LDLRAD4: variants seen among roughly 807,000 people sequenced by gnomAD.
LDLRAD4 encodes low density lipoprotein receptor class A domain containing 4.
In LDLRAD4, 5 loss-of-function variants were observed where a neutral mutation model predicts 17.0. The ratio of observed to expected loss-of-function variants is 0.29; its 90% CI spans 0.15 to 0.62. The LOEUF (loss-of-function observed/expected upper bound fraction) is 0.62, where lower values mean the gene tolerates loss of function less well. Ranked by LOEUF, LDLRAD4 falls within the 20% of genes least tolerant of loss-of-function variation. The pLI is 0.84. For synonymous variants in LDLRAD4, 168 were observed against 171.8 expected, an observed-to-expected ratio of 0.98 and a Z score of 0.17; for missense variants, 340 against 424.7, an observed-to-expected ratio of 0.80 and a Z score of 1.75.
intron 1 of LDLRAD4, among the ~76,000 whole-genome samples, chr18:13,265,183 A>C (rs1189258712): frequency 6.6e-6 from 1 of 152,166 alleles, no homozygotes; most frequent in Non-Finnish European, 1.5e-5. Context: ...GCCTCTGAAC[A>C]GACTGCCCTG....
At chr18:13,532,323 C>A (rs915974507) in intron 3 of LDLRAD4, among the ~76,000 whole-genome samples, 1 of 152,192 alleles carries the variant, frequency 6.6e-6, no homozygotes, top group African/African-American at 2.4e-5. Context: ...TTCAAGATTG[C>A]GGCTGAAACT....
chr18:13,624,203 C>T (rs762962831), intron 4 of LDLRAD4, among the ~76,000 whole-genome samples: 67 of 132,370 alleles, frequency 5.1e-4, no homozygotes, highest in Non-Finnish European at 9.5e-4. Flanking sequence ...TGAGCACTGC[C>T]GGACCCAGGG....
chr18:13,580,401 G>A (rs2094839936), intron 3 of LDLRAD4, among the ~76,000 whole-genome samples: 1 of 152,230 alleles, frequency 6.6e-6, no homozygotes, highest in African/African-American at 2.4e-5. Flanking sequence ...TGGGCTCTCT[G>A]TGCCTGTCAG....
At chr18:13,456,958 G>A (rs775902593) in intron 3 of LDLRAD4, among the ~76,000 whole-genome samples, 6 of 152,204 alleles carry the variant, frequency 3.9e-5, no homozygotes, top group African/African-American at 9.7e-5. Flanking sequence ...GTCTGCCTGG[G>A]GAAAACCCTC....
At chr18:13,617,476 C>T (rs919018307) in intron 3 of LDLRAD4, among the ~76,000 whole-genome samples, 1 of 152,050 alleles carries the variant, frequency 6.6e-6, no homozygotes, top group East Asian at 1.9e-4. Flanking sequence ...TTAAAGAGGA[C>T]CTTCCCAATC....
chr18:13,645,106 C>T lies in LDLRAD4; in HGVS notation c.391-21C>T, dbSNP rs1373543625. 6.3e-7 allele frequency: 1 copy of T among 1,583,404 alleles called. No individual in the cohort carries two copies. The highest frequency in any genetic ancestry group is 8.6e-7 in the Non-Finnish European group (1 of 1,163,610). On this transcript the variant is annotated intron_variant, in intron 5 of 5. Transcript: ENST00000359446. The surrounding 1 kb of genome is among the most constrained non-coding windows in gnomAD (Gnocchi z 5.7). ...TCATTGCGCTCAAACTGTCTTCAAG[C>T]CTCTCCTCTTTTCCTTCCAGATCAT...
intron 1 of LDLRAD4, among the ~76,000 whole-genome samples, chr18:13,295,668 A>G (rs2046231508): frequency 6.6e-6 from 1 of 152,252 alleles, no homozygotes; most frequent in Non-Finnish European, 1.5e-5. Context: ...CCAAGGGGGA[A>G]AAGTAACTTT....
intron 3 of LDLRAD4, among the ~76,000 whole-genome samples, chr18:13,536,864 G>A (rs1291923792): frequency 6.6e-6 from 1 of 151,912 alleles, no homozygotes; most frequent in African/African-American, 2.4e-5. Flanking sequence ...TACTTTTTCT[G>A]CATCTATTGA....
intron 3 of LDLRAD4, among the ~76,000 whole-genome samples, chr18:13,594,665 C>CAAAAAAAAAAAAAAAAAAAAA (rs56035558): frequency 4.7e-4 from 14 of 29,604 alleles, no homozygotes; most frequent in East Asian, 9.6e-4. Context: ...GATTCCATCT[C>CAAAAAAAAAAAAAAAAAAAAA]AAAAAAAAAA....
intron 1 of LDLRAD4, among the ~76,000 whole-genome samples, chr18:13,349,446 A>G (rs2082911258): frequency 6.6e-6 from 1 of 152,058 alleles, no homozygotes; most frequent in African/African-American, 2.4e-5. Context: ...TGGTTTTTAT[A>G]TTTGTCCATG....
intron 2 of LDLRAD4, among the ~76,000 whole-genome samples, chr18:13,405,602 ATT>A (rs540287028): frequency 1.9e-4 from 26 of 135,006 alleles, no homozygotes; most frequent in Non-Finnish European, 2.2e-4. Flanking sequence ...GGCTAATTAA[ATT>A]TTTTTTTTTT....
intron 1 of LDLRAD4, among the ~76,000 whole-genome samples, chr18:13,305,338 A>AT (rs1321745885): frequency 5.3e-5 from 8 of 152,248 alleles, no homozygotes; most frequent in African/African-American, 1.9e-4. Flanking sequence ...ACTGTAGTCC[A>AT]TTGCTATACT....
chr18:13,496,756 G>T (rs1320668067), intron 3 of LDLRAD4, among the ~76,000 whole-genome samples: 3 of 152,020 alleles, frequency 2.0e-5, no homozygotes, highest in Non-Finnish European at 4.4e-5. Context: ...TGATTTCAAG[G>T]TTTGTGGCAG....
At chr18:13,330,493 A>C (rs2081796792) in intron 1 of LDLRAD4, among the ~76,000 whole-genome samples, 1 of 152,148 alleles carries the variant, frequency 6.6e-6, no homozygotes, top group African/African-American at 2.4e-5. Flanking sequence ...TGTCTTCAGA[A>C]AACTTTATTA....
intron 3 of LDLRAD4, among the ~76,000 whole-genome samples, chr18:13,559,121 A>T (rs950935531): frequency 1.3e-5 from 2 of 152,242 alleles, no homozygotes; most frequent in African/African-American, 4.8e-5. Flanking sequence ...GATCTTTGGT[A>T]TCTGTAAAGG....
chr18:13,224,503 G>A (rs187651883), intron 1 of LDLRAD4, among the ~76,000 whole-genome samples: 134 of 100,932 alleles, frequency 1.3e-3, no homozygotes, highest in South Asian at 3.9e-3. Flanking sequence ...TTTTTGAGAC[G>A]GAGTCTCGCT....
chr18:13,491,699 A>G (rs2093361520), intron 3 of LDLRAD4: 1 of 152,192 alleles, frequency 6.6e-6, no homozygotes, highest in Non-Finnish European at 1.5e-5. Context: ...CATAAAGTTA[A>G]TGTCAAGTGG....
At chr18:13,343,131 G>T (rs905143352) in intron 1 of LDLRAD4, among the ~76,000 whole-genome samples, 1 of 151,834 alleles carries the variant, frequency 6.6e-6, no homozygotes, top group Admixed American at 6.6e-5. Context: ...TGTGCACAAC[G>T]TGCAGGTTAG....
chr18:13,308,575 C>G (rs559494339), intron 1 of LDLRAD4, among the ~76,000 whole-genome samples: 2 of 152,336 alleles, frequency 1.3e-5, no homozygotes, highest in East Asian at 3.9e-4. Flanking sequence ...CACATCCTCA[C>G]TGGTAGACTG....
Sources: gnomAD v4.1 joint callset for allele counts (sites outside exome capture counted in the v4.1 genomes callset) on GRCh38, gnomAD v4.1.1 for gene constraint, Gnocchi (gnomAD v3.1) non-coding constraint, MANE v1.5 for transcripts, NCBI Gene and HGNC (gene_info 2026-07-23, HGNC 2026-07-21) for gene names.